The following PTPRN2 variants were observed in gnomAD, a reference collection of about 807,000 sequenced individuals.
PTPRN2 encodes the protein protein tyrosine phosphatase receptor type N2.
Under a neutral mutation model 118.8 loss-of-function variants are expected in PTPRN2, and 74 were observed. The observed-to-expected ratio is 0.62, with a 90% CI of 0.52 to 0.76. The LOEUF is 0.76. PTPRN2 is among the 30% of genes least tolerant of loss of function. The pLI, the probability that PTPRN2 is intolerant of heterozygous loss-of-function variation, is 0.00. For synonymous variants in PTPRN2, 641 were observed against 608.0 expected (o/e 1.05, Z -0.80); for missense variants, 1,481 against 1,394.4 (o/e 1.06, Z -0.99).
At chr7:157,829,822 C>A (rs1807434088) in intron 12 of PTPRN2, among the ~76,000 whole-genome samples, 1 of 152,328 alleles carries the variant, frequency 6.6e-6, no homozygotes, top group African/African-American at 2.4e-5. Flanking sequence ...GACTTGGCGG[C>A]AACACGTTTG....
chr7:158,249,955 G>A lies in PTPRN2; in HGVS notation c.278-44682C>T, dbSNP rs111377849. 2.6e-3 allele frequency among the ~76,000 whole-genome samples: 394 copies of A among 152,222 alleles called. 5 individuals are homozygous for A. The highest frequency in any genetic ancestry group is 9.1e-3 in the African/African-American group (376 of 41,526). On this transcript the variant is annotated intron_variant, in intron 3 of 22. Coordinates refer to ENST00000389418, the MANE Select transcript of PTPRN2 (RefSeq NM_002847.5). Reference sequence around the variant, plus strand: ...GAGTGTAATGCAAGTGAGAGAACACGTGTTGGATGCACGACACACACACGA... The same window carrying A: ...GAGTGTAATGCAAGTGAGAGAACACATGTTGGATGCACGACACACACACGA...
chr7:158,276,568 C>A (rs1275268741), intron 3 of PTPRN2, among the ~76,000 whole-genome samples: 1 of 150,546 alleles, frequency 6.6e-6, no homozygotes, highest in Non-Finnish European at 1.5e-5. Flanking sequence ...TGGCCCTGGG[C>A]AGTCGTGGTG....
intron 2 of PTPRN2, among the ~76,000 whole-genome samples, chr7:158,320,461 T>C (rs5012915): frequency 0.96 from 145,485 of 151,744 alleles, 69,773 homozygotes; most frequent in African/African-American, 0.97. Flanking sequence ...ACGGTGGCCG[T>C]GCCATTTTTC....
intron 11 of PTPRN2, among the ~76,000 whole-genome samples, chr7:157,996,630 G>A (rs926925706): frequency 6.6e-6 from 1 of 152,240 alleles, no homozygotes; most frequent in Non-Finnish European, 1.5e-5. Flanking sequence ...TCTGGCTGGT[G>A]TGGACAAGCC....
At chr7:158,050,039 C>A (rs1268875480) in intron 11 of PTPRN2, among the ~76,000 whole-genome samples, 5 of 152,126 alleles carry the variant, frequency 3.3e-5, no homozygotes, top group Non-Finnish European at 7.4e-5. Flanking sequence ...TGCTAGTGAC[C>A]CCCATTTTAT....
chr7:158,186,069 G>C (rs1395648834), intron 5 of PTPRN2, among the ~76,000 whole-genome samples: 1 of 152,180 alleles, frequency 6.6e-6, no homozygotes, highest in Non-Finnish European at 1.5e-5. Context: ...AAAGCCCACA[G>C]GAAAGAGGCG....
chr7:157,763,709 G>A lies in PTPRN2; in HGVS notation c.1789-80772C>T, dbSNP rs546124442. The stretch of plus-strand genomic sequence containing the variant: ...TTCCTCCCTTGGATGCTGAGGGCTG[G>A]TGGCTGGTCCTCTCTTCGCAGTGCA... On this transcript the variant is annotated intron_variant, in intron 12 of 22. Coordinates refer to ENST00000389418, the MANE Select transcript of PTPRN2 (RefSeq NM_002847.5). The surrounding 1 kb of genome is among the most constrained non-coding windows in gnomAD (Gnocchi z 4.9). 9.2e-5 allele frequency among the ~76,000 whole-genome samples: 14 copies of A among 152,140 alleles called. No individual in the cohort carries two copies. The highest frequency in any genetic ancestry group is 3.1e-4 in the African/African-American group (13 of 41,520).
chr7:157,806,803 G>A (rs1316406486), intron 12 of PTPRN2, among the ~76,000 whole-genome samples: 1 of 152,214 alleles, frequency 6.6e-6, no homozygotes, highest in African/African-American at 2.4e-5. Context: ...GCAGACCACG[G>A]CCCGGTGGTC....
chr7:157,911,581 G>T (rs189425878), intron 11 of PTPRN2, among the ~76,000 whole-genome samples: 6 of 152,220 alleles, frequency 3.9e-5, no homozygotes, highest in African/African-American at 1.4e-4. Flanking sequence ...ATATTAGGAA[G>T]ATACCAAAGA....
intron 3 of PTPRN2, among the ~76,000 whole-genome samples, chr7:158,241,366 T>A (rs1035479507): frequency 2.0e-5 from 3 of 151,762 alleles, no homozygotes; most frequent in Admixed American, 2.0e-4. Context: ...AATACAAAAT[T>A]AGCCGGGCAT....
intron 3 of PTPRN2, among the ~76,000 whole-genome samples, chr7:158,307,632 A>G (rs1457712665): frequency 1.3e-5 from 2 of 152,234 alleles, no homozygotes; most frequent in Admixed American, 6.5e-5. Flanking sequence ...ACCTAGATAC[A>G]TCAAAATCAG....
rs1797605566 is a variant in PTPRN2, at chr7:157,903,819, C to T, written c.1724-5082G>A. On this transcript the variant is annotated intron_variant, in intron 11 of 22. Coordinates refer to ENST00000389418, the MANE Select transcript of PTPRN2 (RefSeq NM_002847.5). The surrounding 1 kb of genome is among the most constrained non-coding windows in gnomAD (Gnocchi z 4.2). ...GCCACACACCAAGTGCCGGCGCAAG[C>T]GCTTCCCACACTTCAATCCGTCTCC... Among the ~76,000 whole-genome samples the T allele has an allele frequency of 1.3e-5, 2 of 152,174 alleles. No individual in the cohort carries two copies. The highest frequency in any genetic ancestry group is 1.3e-4 in the Admixed American group (2 of 15,280).
intron 2 of PTPRN2, among the ~76,000 whole-genome samples, chr7:158,350,751 C>T (rs1209335753): frequency 1.3e-5 from 2 of 152,266 alleles, no homozygotes; most frequent in African/African-American, 4.8e-5. Flanking sequence ...AGGCCAGTGC[C>T]TCGCCTCACC....
At chr7:158,495,270 C>G (rs1821746326) in intron 1 of PTPRN2, among the ~76,000 whole-genome samples, 1 of 152,180 alleles carries the variant, frequency 6.6e-6, no homozygotes. Context: ...ACATTTTTTC[C>G]TAGGAACGAA....
intron 12 of PTPRN2, among the ~76,000 whole-genome samples, chr7:157,791,475 G>A (rs994496193): frequency 4.6e-5 from 7 of 152,122 alleles, no homozygotes; most frequent in African/African-American, 9.7e-5. Context: ...GTATGTGCCC[G>A]GGTCCCGCCT....
At chr7:157,659,376 G>A (rs1252467966) in intron 13 of PTPRN2, among the ~76,000 whole-genome samples, 23 of 88,048 alleles carry the variant, frequency 2.6e-4, no homozygotes, top group Non-Finnish European at 5.3e-4. Flanking sequence ...TGGGGAAGGG[G>A]GGGACGGCCG....
At chr7:157,830,018 AGTATCCTCTCTCC>A (rs1350735704) in intron 12 of PTPRN2, among the ~76,000 whole-genome samples, 1 of 152,096 alleles carries the variant, frequency 6.6e-6, no homozygotes, top group East Asian at 1.9e-4. Flanking sequence ...CCTGGTCTGC[AGTATCCTCTCTCC>A]CCCGTGTTAC....
At chr7:158,006,916 G>A (rs1432035977) in intron 11 of PTPRN2, among the ~76,000 whole-genome samples, 1 of 152,180 alleles carries the variant, frequency 6.6e-6, no homozygotes, top group Non-Finnish European at 1.5e-5. Context: ...CTGGCGGGAA[G>A]CCTGCTAGTC....
chr7:157,692,695 G>C (rs1203510956), intron 12 of PTPRN2, among the ~76,000 whole-genome samples: 2 of 152,218 alleles, frequency 1.3e-5, no homozygotes, highest in Non-Finnish European at 2.9e-5. Flanking sequence ...GCCCGGTGCG[G>C]CTCGGCGGGG....
Sources: allele counts gnomAD v4.1 joint callset (sites outside exome capture counted in the v4.1 genomes callset), GRCh38; gene constraint gnomAD v4.1.1; non-coding constraint Gnocchi (gnomAD v3.1); transcripts MANE v1.5; gene names NCBI Gene and HGNC (gene_info 2026-07-23, HGNC 2026-07-21).